DACH2: variants seen among roughly 807,000 people sequenced by gnomAD.
The protein encoded by DACH2 is dachshund homolog 2.
In DACH2, 17 loss-of-function variants were observed where a neutral mutation model predicts 35.8. The ratio of observed to expected loss-of-function variants is 0.48; its 90% CI spans 0.33 to 0.71. The LOEUF is 0.71. DACH2 is among the 30% of genes least tolerant of loss of function. The pLI is 0.02. For missense variants in DACH2, 469 were observed against 472.7 expected (o/e 0.99, Z 0.07); for synonymous variants, 195 against 177.3 (o/e 1.10, Z -0.79).
At chrX:86,573,458 A>G (rs1176873165) in intron 3 of DACH2, among the ~76,000 whole-genome samples, 1 of 111,623 alleles carries the variant, frequency 9.0e-6, no homozygotes, top group Non-Finnish European at 1.9e-5. Context: ...GATGTGAAGA[A>G]ATTCAAAGAG....
At chrX:86,543,899 T>G (rs2038922294) in intron 3 of DACH2, among the ~76,000 whole-genome samples, 1 of 106,395 alleles carries the variant, frequency 9.4e-6, no homozygotes, top group African/African-American at 3.4e-5. Context: ...GACGAGTTAG[T>G]GGGTGCAGCG....
chrX:86,412,315 T>C (rs2036627894), intron 2 of DACH2, among the ~76,000 whole-genome samples: 1 of 111,416 alleles, frequency 9.0e-6, no homozygotes, highest in Admixed American at 9.5e-5. Context: ...TGATGCCACT[T>C]CTACTTCCAC....
intron 2 of DACH2, among the ~76,000 whole-genome samples, chrX:86,442,453 T>C (rs2037184680): frequency 9.5e-6 from 1 of 105,232 alleles, no homozygotes; most frequent in African/African-American, 3.4e-5. Context: ...TATTAACCCC[T>C]TGTCAGATGT....
intron 3 of DACH2, among the ~76,000 whole-genome samples, chrX:86,576,979 C>T (rs887286580): frequency 1.2e-4 from 13 of 111,889 alleles, no homozygotes; most frequent in African/African-American, 4.2e-4. Context: ...CTTGTATAGC[C>T]TGTAGAACTG....
At chrX:86,684,398 C>T (rs945910262) in intron 4 of DACH2, among the ~76,000 whole-genome samples, 1 of 111,275 alleles carries the variant, frequency 9.0e-6, no homozygotes, top group African/African-American at 3.3e-5. Flanking sequence ...TGGTTTAATT[C>T]ATTAGCTTCT....
At chrX:86,334,120 G>A (rs947182949) in intron 1 of DACH2, among the ~76,000 whole-genome samples, 1 of 112,215 alleles carries the variant, frequency 8.9e-6, no homozygotes, top group Admixed American at 9.4e-5. Context: ...ATTCCATGGT[G>A]TATATGTGCC....
chrX:86,156,988 T>G (rs12388838), intron 1 of DACH2, among the ~76,000 whole-genome samples: 4,247 of 110,973 alleles, frequency 0.038, 205 homozygotes, highest in African/African-American at 0.13. Context: ...TTCTTTCAGG[T>G]GTAATTAATT....
intron 2 of DACH2, among the ~76,000 whole-genome samples, chrX:86,396,288 G>A (rs2036290097): frequency 7.0e-5 from 7 of 99,856 alleles, no homozygotes; most frequent in African/African-American, 2.6e-4. Flanking sequence ...CTGGATATTA[G>A]CCCTTTGTCA....
At chrX:86,283,994 T>G (rs188014171) in intron 1 of DACH2, among the ~76,000 whole-genome samples, 1 of 111,615 alleles carries the variant, frequency 9.0e-6, no homozygotes, top group African/African-American at 3.3e-5. Flanking sequence ...TTAATTTTTT[T>G]TTGGTGTATT....
chrX:86,544,551 T>C (rs1243216244), intron 3 of DACH2, among the ~76,000 whole-genome samples: 1 of 111,045 alleles, frequency 9.0e-6, no homozygotes, highest in East Asian at 2.8e-4. Flanking sequence ...CTAAGCTTCA[T>C]AAGTGAAGGA....
At chrX:86,774,717 A>G (rs2042015667) in intron 7 of DACH2, among the ~76,000 whole-genome samples, 1 of 112,048 alleles carries the variant, frequency 8.9e-6, no homozygotes, top group Admixed American at 9.5e-5. Context: ...AGTGGGAGGC[A>G]TTAGCTGTGT....
At chrX:86,829,741 G>A (rs2042595472) in intron 11 of DACH2, 1 of 112,201 alleles carries the variant, frequency 8.9e-6, no homozygotes, top group African/African-American at 3.2e-5. Context: ...GGATTACATG[G>A]ACTTTTGTTT....
chrX:86,280,246 G>C (rs1415853315), intron 1 of DACH2, among the ~76,000 whole-genome samples: 1 of 112,268 alleles, frequency 8.9e-6, no homozygotes, highest in Non-Finnish European at 1.9e-5. Flanking sequence ...CAGACTAACA[G>C]TGGATCTCTC....
chrX:86,405,394 G>A (rs2036510670), intron 2 of DACH2, among the ~76,000 whole-genome samples: 3 of 111,393 alleles, frequency 2.7e-5, no homozygotes, highest in African/African-American at 9.8e-5. Flanking sequence ...GATCTTTGGG[G>A]CAGGAGTAAA....
At chrX:86,332,506 G>T (rs2035231828) in intron 1 of DACH2, among the ~76,000 whole-genome samples, 1 of 111,553 alleles carries the variant, frequency 9.0e-6, no homozygotes, top group Admixed American at 9.6e-5. Flanking sequence ...TAGTCAATCT[G>T]CAAATTAATG....
At chrX:86,294,119 G>A (rs758080095) in intron 1 of DACH2, among the ~76,000 whole-genome samples, 122 of 110,987 alleles carry the variant, frequency 1.1e-3, no homozygotes, top group African/African-American at 3.4e-3. Flanking sequence ...GGCTTTGCTC[G>A]TTTCTTTTTA....
chrX:86,527,045 G>T (rs1233221399), intron 3 of DACH2, among the ~76,000 whole-genome samples: 1 of 110,549 alleles, frequency 9.0e-6, no homozygotes, highest in Non-Finnish European at 1.9e-5. Context: ...AGATAGCAAT[G>T]AATATTAAAT....
At chrX:86,629,128 G>A (rs1418607534) in intron 3 of DACH2, among the ~76,000 whole-genome samples, 1 of 111,806 alleles carries the variant, frequency 8.9e-6, no homozygotes, top group East Asian at 2.8e-4. Context: ...AGGACTATGT[G>A]TTGCTGCTAG....
At chrX:86,478,970 G>T (rs1182207323) in intron 2 of DACH2, among the ~76,000 whole-genome samples, 3 of 110,673 alleles carry the variant, frequency 2.7e-5, no homozygotes, top group Non-Finnish European at 3.8e-5. Flanking sequence ...CAGATCATAC[G>T]TGGGCTTGGA....
Sources: allele counts gnomAD v4.1 joint callset (sites outside exome capture counted in the v4.1 genomes callset), GRCh38; gene constraint gnomAD v4.1.1; transcripts MANE v1.5; gene names NCBI Gene and HGNC (gene_info 2026-07-23, HGNC 2026-07-21).